Variants in MAGI2 observed in about 807,000 individuals in gnomAD.
The protein encoded by MAGI2 is membrane-associated guanylate kinase, WW and PDZ domain-containing protein 2.
MAGI2 carries 35 observed loss-of-function variants against 133.3 expected under a neutral mutation model. The ratio of observed to expected loss-of-function variants is 0.26; its 90% CI spans 0.20 to 0.35. MAGI2 has a LOEUF of 0.35. Among genes scored for constraint, MAGI2 ranks in the 10% least tolerant of loss-of-function variants. MAGI2 has a pLI of 1.00. For missense variants in MAGI2, 1,636 were observed against 1,863.4 expected (o/e 0.88, Z 2.25); for synonymous variants, 729 against 710.6 (o/e 1.03, Z -0.41).
chr7:78,938,523 G>T (rs773484492), intron 2 of MAGI2, among the ~76,000 whole-genome samples: 5 of 151,970 alleles, frequency 3.3e-5, no homozygotes, highest in Non-Finnish European at 5.9e-5. Context: ...AAGGTTATAA[G>T]CACACAAAAT....
chr7:78,773,974 T>C (rs972029336), intron 2 of MAGI2, among the ~76,000 whole-genome samples: 9 of 152,196 alleles, frequency 5.9e-5, no homozygotes, highest in African/African-American at 2.2e-4. Flanking sequence ...TTATAGTAAA[T>C]ATATATATCA....
At chr7:79,381,272 T>A (rs1843757140) in intron 1 of MAGI2, among the ~76,000 whole-genome samples, 1 of 151,652 alleles carries the variant, frequency 6.6e-6, no homozygotes, top group Admixed American at 6.6e-5. Context: ...TTCTTCTCTA[T>A]GTCAACACCT....
intron 2 of MAGI2, among the ~76,000 whole-genome samples, chr7:78,745,195 A>T (rs915567785): frequency 6.6e-5 from 10 of 152,176 alleles, no homozygotes; most frequent in African/African-American, 2.2e-4. Context: ...TTGGTTTGTT[A>T]TTTCAGCCTC....
chr7:79,094,981 C>A (rs2129542788), intron 1 of MAGI2, among the ~76,000 whole-genome samples: 1 of 152,136 alleles, frequency 6.6e-6, no homozygotes, highest in East Asian at 1.9e-4. Context: ...GCTGCATTAG[C>A]CCCTAATAAG....
chr7:78,235,845 G>A (rs576536438), intron 10 of MAGI2, among the ~76,000 whole-genome samples: 2 of 151,750 alleles, frequency 1.3e-5, no homozygotes, highest in African/African-American at 4.8e-5. Flanking sequence ...GAACCCTGGG[G>A]TTTTTTTTAC....
intron 16 of MAGI2, among the ~76,000 whole-genome samples, chr7:78,139,551 A>G (rs1490223325): frequency 1.3e-5 from 2 of 152,220 alleles, no homozygotes; most frequent in Admixed American, 1.3e-4. Flanking sequence ...GGTACTCATT[A>G]ATTCCCTGAG....
intron 2 of MAGI2, among the ~76,000 whole-genome samples, chr7:78,723,771 G>A (rs114669169): frequency 1.1e-4 from 17 of 152,258 alleles, no homozygotes; most frequent in African/African-American, 3.6e-4. Flanking sequence ...TTAAATACAT[G>A]ACAGGGAGTT....
chr7:78,339,142 A>G (rs1337463725), intron 9 of MAGI2, among the ~76,000 whole-genome samples: 1 of 152,228 alleles, frequency 6.6e-6, no homozygotes, highest in African/African-American at 2.4e-5. Flanking sequence ...GAACTCCTTG[A>G]GAAACAGTTC....
intron 1 of MAGI2, among the ~76,000 whole-genome samples, chr7:79,025,253 A>C (rs1363372133): frequency 6.6e-6 from 1 of 152,208 alleles, no homozygotes; most frequent in Non-Finnish European, 1.5e-5. Context: ...ACACAGGAAC[A>C]GAAAACCAAA....
At chr7:78,066,593 C>T (rs1813854079) in intron 21 of MAGI2, among the ~76,000 whole-genome samples, 1 of 152,098 alleles carries the variant, frequency 6.6e-6, no homozygotes, top group African/African-American at 2.4e-5. Flanking sequence ...GGGTTGTGCT[C>T]TGAAACCAAC....
intron 3 of MAGI2, among the ~76,000 whole-genome samples, chr7:78,536,305 G>C (rs866017759): frequency 2.0e-5 from 3 of 150,524 alleles, no homozygotes; most frequent in African/African-American, 7.3e-5. Flanking sequence ...GTAGAGACGG[G>C]GTTTCACCGT....
chr7:78,521,434 T>C lies in MAGI2; in HGVS notation c.750A>G (p.Thr250=), dbSNP rs1467172669. ...TAAAAAATGTAAATGACTAACCTGG[T>C]GTTACTACTACTCCATTTCCATTGA... is the stretch of plus-strand genomic sequence containing the variant. ...PVVNGNGVVV[T]PESSEHEDKS... Residue 250 remains threonine, a synonymous_variant, in exon 4 of 22, where the codon ACA becomes ACG. Coordinates refer to ENST00000354212, the MANE Select transcript of MAGI2 (RefSeq NM_012301.4). The C allele has an allele frequency of 6.2e-7, 1 of 1,612,988 alleles. No individual in the cohort carries two copies. Among genetic ancestry groups the C allele is most frequent in the Non-Finnish European group, 8.5e-7 (1 of 1,179,392 alleles).
intron 1 of MAGI2, among the ~76,000 whole-genome samples, chr7:79,309,567 C>T (rs1838080254): frequency 1.3e-5 from 2 of 151,854 alleles, no homozygotes; most frequent in Non-Finnish European, 2.9e-5. Flanking sequence ...TGAAGGAGAA[C>T]AGTGTTCAGA....
chr7:78,546,454 A>G (rs554933474), intron 3 of MAGI2, among the ~76,000 whole-genome samples: 1 of 152,330 alleles, frequency 6.6e-6, no homozygotes, highest in South Asian at 2.1e-4. Context: ...ATTAAAGAAA[A>G]GCATAAGAAA....
chr7:79,187,664 A>G (rs1164131529), intron 1 of MAGI2, among the ~76,000 whole-genome samples: 1 of 151,914 alleles, frequency 6.6e-6, no homozygotes, highest in African/African-American at 2.4e-5. Flanking sequence ...GAAAATAGAA[A>G]ACATCTCAAT....
At chr7:78,062,581 T>G (rs2151139873) in intron 21 of MAGI2, among the ~76,000 whole-genome samples, 1 of 152,358 alleles carries the variant, frequency 6.6e-6, no homozygotes, top group Middle Eastern at 3.4e-3. Flanking sequence ...TGCCCTCTCC[T>G]GATTTTCTTC....
chr7:78,332,291 C>T (rs1262412932), intron 9 of MAGI2, among the ~76,000 whole-genome samples: 2 of 152,228 alleles, frequency 1.3e-5, no homozygotes, highest in Non-Finnish European at 2.9e-5. Flanking sequence ...TGAAGCATAG[C>T]ATGGTTTTAA....
At chr7:79,175,723 C>T (rs538846269) in intron 1 of MAGI2, among the ~76,000 whole-genome samples, 1 of 152,100 alleles carries the variant, frequency 6.6e-6, no homozygotes, top group South Asian at 2.1e-4. Flanking sequence ...CAGCATGTTA[C>T]TGTACTGAAT....
chr7:79,055,622 T>G (rs1443203591), intron 1 of MAGI2, among the ~76,000 whole-genome samples: 1 of 152,198 alleles, frequency 6.6e-6, no homozygotes, highest in African/African-American at 2.4e-5. Context: ...CCAGTCAGAT[T>G]AATTACATAT....
Sources: allele counts gnomAD v4.1 joint callset (sites outside exome capture counted in the v4.1 genomes callset), GRCh38; gene constraint gnomAD v4.1.1; transcripts MANE v1.5; gene names NCBI Gene and HGNC (gene_info 2026-07-23, HGNC 2026-07-21).